FAT1: variants seen among roughly 807,000 people sequenced by gnomAD.
FAT1 encodes protocadherin Fat 1.
In FAT1, 171 loss-of-function variants were observed where a neutral mutation model predicts 329.8. The observed-to-expected ratio is 0.52, with a 90% CI of 0.46 to 0.59. FAT1 has a LOEUF of 0.59. Ranked by LOEUF, FAT1 falls within the 20% of genes least tolerant of loss-of-function variation. The pLI, the probability that FAT1 is intolerant of heterozygous loss-of-function variation, is 0.00. For synonymous variants in FAT1, 2,233 were observed against 2,228.6 expected (o/e 1.00, Z -0.06); for missense variants, 5,672 against 5,774.4 (o/e 0.98, Z 0.57).
chr4:186,689,453 C>T (rs1029577378), intron 2 of FAT1, among the ~76,000 whole-genome samples: 2 of 152,232 alleles, frequency 1.3e-5, no homozygotes, highest in Admixed American at 6.5e-5. Context: ...TAATTGAAAA[C>T]AAAGTCTGAT....
chr4:186,661,227 G>A (rs917748713), intron 3 of FAT1, among the ~76,000 whole-genome samples: 2 of 152,078 alleles, frequency 1.3e-5, no homozygotes, highest in African/African-American at 4.8e-5. Flanking sequence ...TTTGCCTCAG[G>A]AAACAGAATC....
In FAT1 at chr4:186,709,629, C is replaced by A. The variant is rs887968815; in HGVS notation, c.199G>T (p.Ala67Ser). ...VKMGVYITHP[A>S]WEVRYKIVSG... ...ACAATTTTGTACCTTACTTCCCACG[C>A]TGGATGTGTAATGTAAACACCCATC... The change falls in exon 2 of 27, where the codon GCG becomes TCG. Residue 67 changes from alanine to serine, a missense_variant. Ala to Ser is a moderately conservative substitution (Grantham distance 99). Transcript: ENST00000441802. 6.2e-7 allele frequency: 1 copy of A among 1,613,980 alleles called. No homozygotes were observed.
At chr4:186,601,241 T>A in intron 21 of FAT1, 28 bp downstream of exon 21, 1 of 1,522,650 alleles carries the variant, frequency 6.6e-7, no homozygotes, top group Admixed American at 1.8e-5. Flanking sequence ...AGTCTTCCAC[T>A]AAGATGCAAC....
At chr4:186,666,782 C>T (rs1742458473) in intron 2 of FAT1, among the ~76,000 whole-genome samples, 1 of 152,142 alleles carries the variant, frequency 6.6e-6, no homozygotes, top group Non-Finnish European at 1.5e-5. Context: ...ATCTTTACAT[C>T]CAACCTGCCT....
At chr4:186,717,618 T>C (rs1422845098) in intron 1 of FAT1, among the ~76,000 whole-genome samples, 1 of 152,212 alleles carries the variant, frequency 6.6e-6, no homozygotes, top group East Asian at 1.9e-4. Flanking sequence ...GTTCCTGCCC[T>C]TAAGAAAGAT....
At chr4:186,666,729 G>A (rs1158895986) in intron 2 of FAT1, among the ~76,000 whole-genome samples, 1 of 152,172 alleles carries the variant, frequency 6.6e-6, no homozygotes, top group Non-Finnish European at 1.5e-5. Flanking sequence ...TTTACTAAAT[G>A]CCAGGCCCTG....
intron 2 of FAT1, among the ~76,000 whole-genome samples, chr4:186,688,826 T>C: frequency 6.6e-6 from 1 of 152,110 alleles, no homozygotes; most frequent in East Asian, 1.9e-4. Flanking sequence ...AGCCACAATG[T>C]GGCAGGGTAG....
chr4:186,616,926 A>G, intron 11 of FAT1, 79 bp downstream of exon 11: 1 of 1,277,526 alleles, frequency 7.8e-7, no homozygotes, highest in South Asian at 1.4e-5. Flanking sequence ...ATTACACCAC[A>G]GCGCCAAATG....
chr4:186,688,273 G>A (rs1743574317), intron 2 of FAT1, among the ~76,000 whole-genome samples: 1 of 152,020 alleles, frequency 6.6e-6, no homozygotes, highest in East Asian at 1.9e-4. Context: ...TGCACCTTCG[G>A]TGGCTTTGGC....
rs1561023530 is a variant in FAT1 at position 186,723,662 on chromosome 4, AC to A, written c.-19+1del. 1.3e-5 allele frequency: 2 copies of A among 150,470 alleles called. No homozygotes were observed. Among genetic ancestry groups the A allele is most frequent in the Non-Finnish European group, 3.0e-5 (2 of 67,662 alleles). The allele number at this position is 150,470 out of a possible 1,614,324, so 9.3% of individuals were successfully genotyped here. ...CGCCGGCCCGCGCCCCAGCGAACTA[AC>A]CGCAAAGTTGGCCCGAAGTGGCGAC... On this transcript the variant is annotated splice_donor_variant, in intron 1 of 26. Coordinates refer to ENST00000441802, the MANE Select transcript of FAT1 (RefSeq NM_005245.4). LOFTEE classifies it low-confidence loss of function (5UTR_SPLICE).
chr4:186,610,685 A>ATTATATTAATTTATATAAATATAAAT, intron 14 of FAT1, among the ~76,000 whole-genome samples: 1 of 75,654 alleles, frequency 1.3e-5, no homozygotes, highest in South Asian at 4.3e-4. Context: ...ATAAATATAA[A>ATTATATTAATTTATATAAATATAAAT]TTATATAATT....
chr4:186,593,214 T>C (rs1015732309), intron 26 of FAT1, among the ~76,000 whole-genome samples: 3 of 152,172 alleles, frequency 2.0e-5, no homozygotes, highest in Non-Finnish European at 4.4e-5. Context: ...AAAACAAGAA[T>C]GTTTTTGTCC....
Position 186,692,384 on chromosome 4 carries a change from T to C in FAT1, c.3265+14179A>G, listed in dbSNP as rs368578851. ...CTGGAGTGCAGTGGCGCAATCTCGG[T>C]TCACTGCAAGCTCCGCCTCCCGGGT... On this transcript the variant is annotated intron_variant, in intron 2 of 26. Coordinates refer to ENST00000441802, the MANE Select transcript of FAT1 (RefSeq NM_005245.4). Among the ~76,000 whole-genome samples, 170 of 152,128 alleles carry C rather than the reference T, an allele frequency of 1.1e-3. 1 individual carries two copies. The highest frequency in any genetic ancestry group is 5.0e-3 in the East Asian group (26 of 5,162).
intron 1 of FAT1, among the ~76,000 whole-genome samples, chr4:186,716,900 CA>C (rs1484182520): frequency 6.6e-6 from 1 of 152,106 alleles, no homozygotes. Flanking sequence ...TCTCATGCCT[CA>C]GCCTCCTGAG....
intron 4 of FAT1, among the ~76,000 whole-genome samples, chr4:186,637,331 T>C (rs1464152696): frequency 6.6e-6 from 1 of 152,196 alleles, no homozygotes; most frequent in East Asian, 1.9e-4. Flanking sequence ...CTCTACATAC[T>C]TAAAAACAAA....
intron 2 of FAT1, among the ~76,000 whole-genome samples, chr4:186,689,207 T>G (rs1293322363): frequency 6.6e-6 from 1 of 152,236 alleles, no homozygotes; most frequent in African/African-American, 2.4e-5. Flanking sequence ...AATATCACTT[T>G]AAGATGTCAT....
Position 186,709,464 on chromosome 4 carries a change from C to T in FAT1, c.364G>A (p.Ala122Thr), listed in dbSNP as rs2126704415. 6.2e-7 allele frequency: 1 copy of T among 1,613,832 alleles called. No homozygotes were observed. Among genetic ancestry groups the T allele is most frequent in the South Asian group, 1.1e-5 (1 of 91,052 alleles). The change falls in exon 2 of 27, where the codon GCA (alanine) becomes ACA (threonine). Residue 122 changes from alanine (A) to threonine (T), a missense_variant. By Grantham distance (58) the Ala-to-Thr change is moderately conservative. This residue lies in a region of FAT1 where 3,966 missense variants were observed against 3,915.2 expected (regional missense o/e 1.01). Coordinates refer to ENST00000441802, the MANE Select transcript of FAT1 (RefSeq NM_005245.4). ...VKDHYTLIVK[A>T]LEKNTNVEAR... ...TCCACATTAGTATTTTTTTCAAGTG[C>T]TTTCACTATCAATGTGTAGTGATCC... is the stretch of plus-strand genomic sequence containing the variant.
intron 1 of FAT1, among the ~76,000 whole-genome samples, chr4:186,719,493 C>T (rs368824236): frequency 1.7e-4 from 26 of 152,198 alleles, no homozygotes; most frequent in South Asian, 6.2e-4. Context: ...TTCACCCTTT[C>T]GCCATTGCAA....
intron 9 of FAT1, 98 bp from the exon 10 acceptor site, chr4:186,621,873 T>C (rs1740067965): frequency 1.3e-6 from 1 of 770,116 alleles, no homozygotes; most frequent in Non-Finnish European, 2.0e-6. Flanking sequence ...AAAAATTATA[T>C]TCTGAAATTA....
Sources: gnomAD v4.1 joint callset for allele counts (sites outside exome capture counted in the v4.1 genomes callset) on GRCh38, gnomAD v4.1.1 for gene constraint, gnomAD v4.1.1 regional missense constraint, MANE v1.5 for transcripts, NCBI Gene and HGNC (gene_info 2026-07-23, HGNC 2026-07-21) for gene names.